Variants in SMIM21 observed in about 807,000 individuals in gnomAD.
SMIM21 encodes chromosome 18 open reading frame 62.
A neutral mutation model predicts 8.6 loss-of-function variants in SMIM21; 8 were observed. The observed-to-expected ratio is 0.93, with a 90% confidence interval of 0.55 to 1.68. The LOEUF (loss-of-function observed/expected upper bound fraction) is 1.68, where lower values mean the gene tolerates loss of function less well. Among genes scored for constraint, SMIM21 ranks in the 40% most tolerant of loss-of-function variants. SMIM21 has a pLI of 0.00. For missense variants in SMIM21, 132 were observed against 123.0 expected, an observed-to-expected ratio of 1.07 and a Z score of -0.35; for synonymous variants, 43 against 41.7, an observed-to-expected ratio of 1.03 and a Z score of -0.12.
chr18:75,425,182 G>A (rs2024748828), intron 1 of SMIM21, among the ~76,000 whole-genome samples: 1 of 152,170 alleles, frequency 6.6e-6, no homozygotes, highest in African/African-American at 2.4e-5. Flanking sequence ...GCATGAGAGA[G>A]ATTCCACTGG....
intron 1 of SMIM21, among the ~76,000 whole-genome samples, chr18:75,426,631 T>TAAAAAAAAAAAAAAAAAA (rs777676195): frequency 1.1e-5 from 1 of 89,260 alleles, no homozygotes; most frequent in African/African-American, 4.8e-5. Flanking sequence ...TTTTAAAATG[T>TAAAAAAAAAAAAAAAAAA]AAAAAAAAAA....
At chr18:75,421,410 T>C (rs1257665983) in intron 1 of SMIM21, among the ~76,000 whole-genome samples, 1 of 152,082 alleles carries the variant, frequency 6.6e-6, no homozygotes, top group African/African-American at 2.4e-5. Context: ...GATTCTGAGC[T>C]GCAGGCTCTC....
intron 1 of SMIM21, among the ~76,000 whole-genome samples, chr18:75,421,869 A>T (rs1300752220): frequency 6.6e-6 from 1 of 152,120 alleles, no homozygotes; most frequent in Non-Finnish European, 1.5e-5. Context: ...ACCTAACCTC[A>T]TTCAGGCTCT....
At chr18:75,418,678 A>C (rs1470419887) in intron 2 of SMIM21, 108 bp downstream of exon 2, 2 of 1,139,410 alleles carry the variant, frequency 1.8e-6, no homozygotes, top group South Asian at 1.8e-5. Context: ...CTACAGATTG[A>C]TTGCTTGATG....
chr18:75,414,209 C>T (rs760742958), intron 2 of SMIM21, among the ~76,000 whole-genome samples: 2 of 151,862 alleles, frequency 1.3e-5, no homozygotes, highest in Non-Finnish European at 2.9e-5. Context: ...TGATTGTAGA[C>T]ATAAAATTTA....
At chr18:75,426,631 T>TAAAAAAAAAAAAAAAAA (rs777676195) in intron 1 of SMIM21, among the ~76,000 whole-genome samples, 1 of 89,262 alleles carries the variant, frequency 1.1e-5, no homozygotes, top group African/African-American at 4.8e-5. Context: ...TTTTAAAATG[T>TAAAAAAAAAAAAAAAAA]AAAAAAAAAA....
chr18:75,417,724 C>T (rs2024663040), intron 2 of SMIM21: 1 of 152,408 alleles, frequency 6.6e-6, no homozygotes. Flanking sequence ...CCAGAGCAGA[C>T]CAGGAGAAAT....
At chr18:75,426,146 G>A (rs892769480) in intron 1 of SMIM21, among the ~76,000 whole-genome samples, 4 of 152,172 alleles carry the variant, frequency 2.6e-5, no homozygotes, top group African/African-American at 9.7e-5. Context: ...CTACCTGGAT[G>A]TTGATTGATG....
At chr18:75,422,468 A>G (rs1412933961) in intron 1 of SMIM21, among the ~76,000 whole-genome samples, 1 of 152,154 alleles carries the variant, frequency 6.6e-6, no homozygotes, top group Non-Finnish European at 1.5e-5. Flanking sequence ...ATAGAGATAT[A>G]CCCAAGAGAA....
chr18:75,410,598 C>T lies in SMIM21; in HGVS notation c.*266G>A, dbSNP rs533443587. The T allele has an allele frequency of 4.1e-6, 3 of 724,918 alleles. No individual in the cohort carries two copies. Among genetic ancestry groups the T allele is most frequent in the African/African-American group, 3.6e-5 (2 of 55,882 alleles). The allele number at this position is 724,918 out of a possible 1,614,324, so 44.9% of individuals were successfully genotyped here. A position where few individuals can be genotyped will look rare whatever the true frequency, so the allele number is the denominator to read the frequency against. ...GCACTGCTGGATCTGTTTCGACACGCAGGGCAGATTTCGCAGGGTTGGGTG... is the reference window on the plus strand; with the variant it reads ...GCACTGCTGGATCTGTTTCGACACGTAGGGCAGATTTCGCAGGGTTGGGTG... On this transcript the variant is annotated 3_prime_UTR_variant, in exon 3 of 3. Transcript: ENST00000579022.
Position 75,418,789 on chromosome 18 carries a change from C to T in SMIM21, c.257G>A (p.Arg86Gln), listed in dbSNP as rs576078539. 84 of 1,602,088 alleles carry T rather than the reference C, an allele frequency of 5.2e-5. No individual in the cohort carries two copies. The highest frequency in any genetic ancestry group is 2.1e-4 in the South Asian group (19 of 89,030). The change falls in exon 2 of 3, where the codon CGA (arginine) becomes CAA (glutamine). Residue 86 changes from arginine (R) to glutamine (Q), a missense_variant. Physicochemically the swap from Arg to Gln is conservative, Grantham distance 43. Transcript: ENST00000579022. ...GCTAAGGTTATCGTTTACCTACTTTCGAAATATGCTGTTGGCCCTTTTCCA... is the reference window on the plus strand; with the variant it reads ...GCTAAGGTTATCGTTTACCTACTTTTGAAATATGCTGTTGGCCCTTTTCCA... ...EDWKRANSIF[R>Q]NFLRLKSSRN...
chr18:75,426,303 G>A (rs140167158), intron 1 of SMIM21, among the ~76,000 whole-genome samples: 10 of 83,902 alleles, frequency 1.2e-4, no homozygotes, highest in East Asian at 3.0e-4. Context: ...TTGTTTGTTT[G>A]TTTGTTTGTT....
chr18:75,421,575 C>T (rs2024708966), intron 1 of SMIM21, among the ~76,000 whole-genome samples: 1 of 152,070 alleles, frequency 6.6e-6, no homozygotes, highest in African/African-American at 2.4e-5. Context: ...GTGTTTCTCT[C>T]ACGTGGAGCT....
chr18:75,427,350 T>A (rs2024775409), intron 1 of SMIM21, 85 bp downstream of exon 1: 4 of 1,407,744 alleles, frequency 2.8e-6, no homozygotes, highest in African/African-American at 1.4e-5. Flanking sequence ...CACAGGAGAT[T>A]GGGGCAAAAG....
At chr18:75,423,019 T>A (rs1226797288) in intron 1 of SMIM21, among the ~76,000 whole-genome samples, 2 of 152,220 alleles carry the variant, frequency 1.3e-5, no homozygotes, top group South Asian at 2.1e-4. Flanking sequence ...GACTTGAGAA[T>A]TCAGTAAAAG....
chr18:75,412,811 G>A (rs917139664), intron 2 of SMIM21, among the ~76,000 whole-genome samples: 1 of 151,776 alleles, frequency 6.6e-6, no homozygotes, highest in Non-Finnish European at 1.5e-5. Flanking sequence ...ATACTTGATC[G>A]AACACACTTG....
At chr18:75,426,263 A>G (rs1188416885) in intron 1 of SMIM21, among the ~76,000 whole-genome samples, 1 of 152,096 alleles carries the variant, frequency 6.6e-6, no homozygotes, top group Non-Finnish European at 1.5e-5. Flanking sequence ...AGACTGAAGA[A>G]CTTTAAGACC....
chr18:75,423,516 C>T (rs1420039790), intron 1 of SMIM21, among the ~76,000 whole-genome samples: 1 of 152,262 alleles, frequency 6.6e-6, no homozygotes, highest in Non-Finnish European at 1.5e-5. Context: ...ACACCACACC[C>T]CTCATCTTTC....
chr18:75,415,898 A>G (rs1207337695), intron 2 of SMIM21: 1 of 152,216 alleles, frequency 6.6e-6, no homozygotes, highest in East Asian at 1.9e-4. Context: ...GATTTTAATG[A>G]GAGGATGGCA....
Sources: gnomAD v4.1 joint callset for allele counts (sites outside exome capture counted in the v4.1 genomes callset) on GRCh38, gnomAD v4.1.1 for gene constraint, MANE v1.5 for transcripts, NCBI Gene and HGNC (gene_info 2026-07-23, HGNC 2026-07-21) for gene names.